AGMO: variants seen among roughly 807,000 people sequenced by gnomAD.
AGMO encodes the protein alkylglycerol monooxygenase, also known as glyceryl-ether monooxygenase.
In AGMO, 75 loss-of-function variants were observed where a neutral mutation model predicts 60.2. The observed-to-expected ratio is 1.25, with a 90% CI of 1.03 to 1.51. AGMO has a LOEUF of 1.51. Among genes scored for constraint, AGMO ranks in the 40% most tolerant of loss-of-function variants. AGMO has a pLI of 0.00. For missense variants in AGMO, 763 were observed against 525.5 expected, an observed-to-expected ratio of 1.45 and a Z score of -4.42; for synonymous variants, 261 against 177.1, an observed-to-expected ratio of 1.47 and a Z score of -3.76.
At chr7:15,524,661 G>A (rs1244534063) in intron 3 of AGMO, among the ~76,000 whole-genome samples, 1 of 151,994 alleles carries the variant, frequency 6.6e-6, no homozygotes, top group Non-Finnish European at 1.5e-5. Context: ...TTGGGAGTTT[G>A]AGACCAGCCT....
chr7:15,469,745 C>G (rs1185130972), intron 3 of AGMO, among the ~76,000 whole-genome samples: 1 of 151,986 alleles, frequency 6.6e-6, no homozygotes, highest in South Asian at 2.1e-4. Flanking sequence ...ATAGAGAATA[C>G]ATAAGGAAAG....
chr7:15,191,950 CT>C, the AGMO span, among the ~76,000 whole-genome samples: 1 of 128,936 alleles, frequency 7.8e-6, no homozygotes, highest in African/African-American at 3.2e-5. Context: ...ATCTCTCACT[CT>C]CACTCTCCCT....
chr7:15,193,230 G>A, the AGMO span, among the ~76,000 whole-genome samples: 2 of 109,148 alleles, frequency 1.8e-5, no homozygotes, highest in African/African-American at 9.3e-5. Flanking sequence ...ATAAAATACA[G>A]CAAATGTATG....
the AGMO span, among the ~76,000 whole-genome samples, chr7:15,176,490 G>C: frequency 0.012 from 1,773 of 151,924 alleles, 28 homozygotes; most frequent in African/African-American, 0.039. Context: ...ACTTTCTCTT[G>C]TATCAAGAGA....
chr7:15,366,077 C>A (rs889831512), intron 11 of AGMO, 63 bp downstream of exon 11: 5 of 1,248,362 alleles, frequency 4.0e-6, no homozygotes, highest in South Asian at 2.7e-5. Flanking sequence ...GGTATTTTAC[C>A]ACTCTGTGGA....
the AGMO span, among the ~76,000 whole-genome samples, chr7:15,127,174 C>A: frequency 6.6e-6 from 1 of 152,198 alleles, no homozygotes; most frequent in Non-Finnish European, 1.5e-5. Context: ...ACCCTGACCA[C>A]CTCGGGCACA....
At chr7:15,209,294 C>T (rs1236371008) in intron 12 of AGMO, among the ~76,000 whole-genome samples, 8 of 152,232 alleles carry the variant, frequency 5.3e-5, no homozygotes, top group Non-Finnish European at 8.8e-5. Context: ...TGCAGAATAG[C>T]ATGCAATACT....
intron 12 of AGMO, among the ~76,000 whole-genome samples, chr7:15,349,225 A>G (rs1394961972): frequency 6.6e-6 from 1 of 152,152 alleles, no homozygotes; most frequent in Non-Finnish European, 1.5e-5. Context: ...TTTACATTAA[A>G]GATAACTGGC....
intron 12 of AGMO, among the ~76,000 whole-genome samples, chr7:15,209,129 T>C (rs1178064232): frequency 3.9e-5 from 6 of 152,178 alleles, no homozygotes; most frequent in Non-Finnish European, 7.4e-5. Flanking sequence ...AATCCTGTTA[T>C]CACAGCCCAC....
At chr7:15,236,367 T>A (rs1332332649) in intron 12 of AGMO, among the ~76,000 whole-genome samples, 1 of 152,154 alleles carries the variant, frequency 6.6e-6, no homozygotes, top group Non-Finnish European at 1.5e-5. Flanking sequence ...ACTCCTTTTT[T>A]AATGAATTTG....
At position 15,561,824 on chromosome 7, in the gene AGMO, G is replaced by C. The variant is rs61751892; in HGVS notation, c.22C>G (p.Gln8Glu). The C allele has an allele frequency of 2.4e-3, 3,818 of 1,608,622 alleles. 79 individuals are homozygous for C. The African/African-American group carries it at 0.046, about 19-fold the overall frequency. The change falls in exon 1 of 13, where the codon CAG (glutamine) becomes GAG (glutamate). Residue 8 changes from glutamine (Q) to glutamate (E), a missense_variant. Coordinates refer to ENST00000342526, the MANE Select transcript of AGMO (RefSeq NM_001004320.2). ...AATCCCTGGGAAACTGAAACATCCT[G>C]CTGGGCTTCTGGGTTCTTCATTTCT... MKNPEAQQDVSVSQGFRM... is the reference protein window; with the variant it reads MKNPEAQEDVSVSQGFRM...
intron 12 of AGMO, among the ~76,000 whole-genome samples, chr7:15,347,662 G>A (rs1454989773): frequency 6.6e-6 from 1 of 151,908 alleles, no homozygotes; most frequent in African/African-American, 2.4e-5. Context: ...TTTTTCAAGA[G>A]AAACCACTAA....
chr7:15,205,964 T>C (rs184765371), intron 12 of AGMO, among the ~76,000 whole-genome samples: 1 of 152,200 alleles, frequency 6.6e-6, no homozygotes, highest in Admixed American at 6.5e-5. Flanking sequence ...AGGAAACACA[T>C]TAAATATGGA....
At chr7:15,357,399 C>A (rs898535283) in intron 12 of AGMO, among the ~76,000 whole-genome samples, 1 of 151,902 alleles carries the variant, frequency 6.6e-6, no homozygotes, top group Non-Finnish European at 1.5e-5. Flanking sequence ...CTAACCACCA[C>A]CGTGAGATGA....
rs534874973 is a variant in AGMO at position 15,544,791 on chromosome 7, C to G, written c.390G>C (p.Trp130Cys). ...AFLGVDFGYYWFHRMAHEVNI... is the reference protein window; with the variant it reads ...AFLGVDFGYYCFHRMAHEVNI... Reference sequence around the variant, plus strand: ...GCTTACCATGAGCCATACGATGGAACCAGTAGTAGCCAAAGTCAACTCCTA... The same window carrying G: ...GCTTACCATGAGCCATACGATGGAAGCAGTAGTAGCCAAAGTCAACTCCTA... Residue 130 changes from tryptophan (W) to cysteine (C), a missense_variant, in exon 3 of 13, where the codon TGG (tryptophan) becomes TGC (cysteine). Transcript: ENST00000342526. 4 of 1,602,304 alleles carry G rather than the reference C, an allele frequency of 2.5e-6. No individual in the cohort carries two copies. The Admixed American group carries it at 6.9e-5, about 28-fold the overall frequency.
the AGMO span, among the ~76,000 whole-genome samples, chr7:15,166,547 G>A: frequency 6.6e-6 from 1 of 152,142 alleles, no homozygotes; most frequent in Non-Finnish European, 1.5e-5. Context: ...TTTAAACAGA[G>A]TAGGAACAGG....
the AGMO span, among the ~76,000 whole-genome samples, chr7:15,119,569 A>C: frequency 2.8e-4 from 42 of 152,190 alleles, no homozygotes; most frequent in Non-Finnish European, 1.2e-4. Flanking sequence ...CTGACTTTAT[A>C]AAACTTGTTT....
At chr7:15,512,327 C>G (rs1416259626) in intron 3 of AGMO, among the ~76,000 whole-genome samples, 1 of 152,186 alleles carries the variant, frequency 6.6e-6, no homozygotes, top group Non-Finnish European at 1.5e-5. Flanking sequence ...GCCAACACGG[C>G]ACCAACCTCC....
intron 2 of AGMO, among the ~76,000 whole-genome samples, chr7:15,551,819 C>CT (rs1365037152): frequency 6.6e-6 from 1 of 152,050 alleles, no homozygotes; most frequent in Non-Finnish European, 1.5e-5. Context: ...AAAAAAACTA[C>CT]TTTAAAGTTC....
Sources: allele counts gnomAD v4.1 joint callset (sites outside exome capture counted in the v4.1 genomes callset), GRCh38; gene constraint gnomAD v4.1.1; transcripts MANE v1.5; gene names NCBI Gene and HGNC (gene_info 2026-07-23, HGNC 2026-07-21).